Variants in ANKRD11 observed in about 807,000 individuals in gnomAD.
ANKRD11 encodes the protein ankyrin repeat domain 11.
A neutral mutation model predicts 195.7 loss-of-function variants in ANKRD11; 17 were observed. The ratio of observed to expected loss-of-function variants is 0.09; its 90% CI spans 0.06 to 0.13. The LOEUF (loss-of-function observed/expected upper bound fraction) is 0.13, where lower values mean the gene tolerates loss of function less well. ANKRD11 is among the 10% of genes least tolerant of loss of function. The probability of loss-of-function intolerance (pLI) is 1.00; values close to 1 mark genes in which losing one functional copy is unlikely to be tolerated. For missense variants in ANKRD11, 3,735 were observed against 3,566.1 expected, an observed-to-expected ratio of 1.05 and a Z score of -1.21; for synonymous variants, 1,953 against 1,528.1, an observed-to-expected ratio of 1.28 and a Z score of -6.49.
chr16:89,293,868 C>A (rs189433488), intron 4 of ANKRD11, among the ~76,000 whole-genome samples: 4 of 152,144 alleles, frequency 2.6e-5, no homozygotes, highest in Non-Finnish European at 5.9e-5. Context: ...GTCAGAGGAA[C>A]AGGCAGAGGC....
At chr16:89,272,725 C>G (rs918350093) in intron 11 of ANKRD11, 1 of 152,056 alleles carries the variant, frequency 6.6e-6, no homozygotes, top group Non-Finnish European at 1.5e-5. Context: ...CCATATTTAA[C>G]GCAACCCCAT....
chr16:89,310,801 G>A (rs1006345628), intron 3 of ANKRD11, among the ~76,000 whole-genome samples: 1 of 152,152 alleles, frequency 6.6e-6, no homozygotes, highest in Non-Finnish European at 1.5e-5. Context: ...ACCATGCTAC[G>A]CTCACTGATT....
intron 2 of ANKRD11, among the ~76,000 whole-genome samples, chr16:89,379,024 C>T (rs1454877287): frequency 6.6e-6 from 1 of 152,192 alleles, no homozygotes; most frequent in Non-Finnish European, 1.5e-5. Context: ...CGTAGACAAG[C>T]CGGGCTGAGG....
intron 1 of ANKRD11, among the ~76,000 whole-genome samples, chr16:89,488,308 C>G (rs74037210): frequency 0.018 from 2,793 of 152,028 alleles, 91 homozygotes; most frequent in African/African-American, 0.064. Flanking sequence ...GCCAGCCTAT[C>G]GAAGGAGATC....
At chr16:89,432,968 CT>C (rs1317639996) in intron 1 of ANKRD11, among the ~76,000 whole-genome samples, 6 of 148,954 alleles carry the variant, frequency 4.0e-5, no homozygotes, top group South Asian at 4.2e-4. Flanking sequence ...CTCTCTCTCT[CT>C]CTCTCTCTCT....
chr16:89,282,883 C>T lies in ANKRD11; in HGVS notation c.3659G>A (p.Arg1220Lys). 1 of 1,613,034 alleles carries T rather than the reference C, an allele frequency of 6.2e-7. No individual in the cohort carries two copies. The highest frequency in any genetic ancestry group is 1.3e-5 in the African/African-American group (1 of 74,988). Residue 1220 changes from arginine (R) to lysine (K), a missense_variant, in exon 9 of 13, where the codon AGG becomes AAG. By Grantham distance (26) the Arg-to-Lys change is conservative. Transcript: ENST00000301030. ...GGAGTCCACTGAGGCTCTGTCCTTC[C>T]TGTCCTTGTACTTTTCTGTGGACTC... ...DKESTEKYKD[R>K]KDRASVDSTQ...
At chr16:89,401,275 C>T (rs374002113) in intron 2 of ANKRD11, among the ~76,000 whole-genome samples, 214 of 152,204 alleles carry the variant, frequency 1.4e-3, no homozygotes, top group African/African-American at 4.8e-3. Flanking sequence ...GACCGGGTTT[C>T]GCCATGTTAG....
chr16:89,286,856 T>C (rs1485407724), intron 7 of ANKRD11: 1 of 1,287,864 alleles, frequency 7.8e-7, no homozygotes, highest in Non-Finnish European at 1.0e-6. Context: ...CAAGTACAAA[T>C]TAAATTTAAT....
intron 1 of ANKRD11, among the ~76,000 whole-genome samples, chr16:89,463,054 G>A (rs532964187): frequency 1.9e-5 from 2 of 106,512 alleles, no homozygotes; most frequent in South Asian, 3.0e-4. Context: ...GAGGTGGGGG[G>A]GTCAGCCCCC....
intron 4 of ANKRD11, chr16:89,298,812 G>A (rs1365493997): frequency 3.9e-5 from 6 of 152,342 alleles, no homozygotes; most frequent in South Asian, 2.1e-4. Context: ...AACTGCTTAC[G>A]TCTAGAGAGG....
chr16:89,353,555 G>A (rs777990004), intron 2 of ANKRD11, among the ~76,000 whole-genome samples: 13 of 149,362 alleles, frequency 8.7e-5, no homozygotes, highest in Admixed American at 6.7e-4. Flanking sequence ...TCGGCTCACT[G>A]CAACCTCCGC....
intron 6 of ANKRD11, 137 bp from the exon 7 acceptor site, chr16:89,288,807 T>G (rs1195809265): frequency 1.6e-6 from 2 of 1,238,428 alleles, no homozygotes; most frequent in Non-Finnish European, 2.3e-6. Context: ...GGGCTGCAGT[T>G]TAGGGAAGCA....
chr16:89,342,951 A>C (rs1291031962), intron 2 of ANKRD11, among the ~76,000 whole-genome samples: 1 of 151,280 alleles, frequency 6.6e-6, no homozygotes, highest in African/African-American at 2.5e-5. Context: ...TACATGCTTC[A>C]TAATTCCGAA....
rs373946350 is a variant in ANKRD11, at chr16:89,284,344, C to T, written c.2198G>A (p.Arg733Gln). Residue 733 changes from arginine to glutamine, a missense_variant, in exon 9 of 13, where the codon CGA becomes CAA. Coordinates refer to ENST00000301030, the MANE Select transcript of ANKRD11 (RefSeq NM_013275.6). The part of the protein sequence containing the change: ...DTNKDISRSF[R>Q]EEKDRSNKAE... ...TTTATTCGAACGGTCTTTCTCTTCTCGGAAAGACCTGCTGATGTCTTTGTT... is the reference window on the plus strand; with the variant it reads ...TTTATTCGAACGGTCTTTCTCTTCTTGGAAAGACCTGCTGATGTCTTTGTT... 1.4e-5 allele frequency: 22 copies of T among 1,613,734 alleles called. No homozygotes were observed. Among genetic ancestry groups the T allele is most frequent in the African/African-American group, 4.0e-5 (3 of 74,902 alleles).
intron 2 of ANKRD11, among the ~76,000 whole-genome samples, chr16:89,327,418 T>A (rs2037794163): frequency 6.6e-6 from 1 of 151,874 alleles, no homozygotes; most frequent in South Asian, 2.1e-4. Context: ...AAGGAAGAAA[T>A]GGAATAAAAC....
At chr16:89,478,117 T>C (rs760680226) in intron 1 of ANKRD11, among the ~76,000 whole-genome samples, 3 of 152,190 alleles carry the variant, frequency 2.0e-5, no homozygotes, top group African/African-American at 4.8e-5. Context: ...AACTGAAATT[T>C]TGTTTAACAC....
intron 3 of ANKRD11, chr16:89,313,296 G>C (rs547613562): frequency 5.4e-6 from 7 of 1,285,128 alleles, no homozygotes; most frequent in African/African-American, 4.6e-5. Context: ...GGACGACACT[G>C]TTCTCTGTAG....
chr16:89,309,404 GC>G (rs1276333155), intron 3 of ANKRD11, among the ~76,000 whole-genome samples: 1 of 152,226 alleles, frequency 6.6e-6, no homozygotes, highest in Non-Finnish European at 1.5e-5. Context: ...AAGGCCCCTA[GC>G]ACTCCGGAAT....
At chr16:89,476,929 C>A (rs2152362723) in intron 1 of ANKRD11, among the ~76,000 whole-genome samples, 1 of 152,282 alleles carries the variant, frequency 6.6e-6, no homozygotes, top group South Asian at 2.1e-4. Flanking sequence ...TACACGGGCA[C>A]AGACTGGAAC....
Sources: gnomAD v4.1 joint callset for allele counts (sites outside exome capture counted in the v4.1 genomes callset) on GRCh38, gnomAD v4.1.1 for gene constraint, MANE v1.5 for transcripts, NCBI Gene and HGNC (gene_info 2026-07-23, HGNC 2026-07-21) for gene names.